Variants in RIOK2 observed in about 807,000 individuals in gnomAD.
RIOK2 encodes the protein serine/threonine-protein kinase RIO2.
RIOK2 carries 46 observed loss-of-function variants against 62.4 expected under a neutral mutation model. The ratio of observed to expected loss-of-function variants is 0.74; its 90% CI spans 0.58 to 0.94. RIOK2 has a LOEUF of 0.94. RIOK2 is among the 40% of genes least tolerant of loss of function. The pLI, the probability that RIOK2 is intolerant of heterozygous loss-of-function variation, is 0.00. For missense variants in RIOK2, 574 were observed against 658.0 expected, an observed-to-expected ratio of 0.87 and a Z score of 1.40; for synonymous variants, 197 against 216.0, an observed-to-expected ratio of 0.91 and a Z score of 0.77.
At chr5:97,182,893 A>C (rs111308596) in intron 1 of RIOK2, 67 of 538,976 alleles carry the variant, frequency 1.2e-4, no homozygotes, top group African/African-American at 9.2e-4. Flanking sequence ...ATAGCAGCAG[A>C]AAAGAAAACA....
In RIOK2 at chr5:97,182,780, G is replaced by GC. The variant is rs1409325916; in HGVS notation, c.66+345_66+346insG. The GC allele has an allele frequency of 7.0e-4, 24 of 34,318 alleles. No homozygotes were observed. In the East Asian group the frequency reaches 0.014, roughly 19 times the overall value. The allele number at this position is 34,318 out of a possible 1,614,324, so 2.1% of individuals were successfully genotyped here. ...GGGAAGTCAATATTATCAAATCTCGGGGGGGGGGGGGGGCTTAAACCTTTC... is the reference window on the plus strand; with the variant it reads ...GGGAAGTCAATATTATCAAATCTCGGCGGGGGGGGGGGGGCTTAAACCTTTC... On this transcript the variant is annotated intron_variant, in intron 1 of 9. Coordinates refer to ENST00000283109, the MANE Select transcript of RIOK2 (RefSeq NM_018343.3).
In RIOK2 at chr5:97,165,079, C is replaced by T. The variant is rs138706005; in HGVS notation, c.1466G>A (p.Ser489Asn). ...AGGAATTGTTGAACAGCTTACAGCA[C>T]TGCCTGAAGAAGTGATACTCAGAGT... Reference protein sequence around the residue: ...TRTLSITSSGSAVSCSTIPPE... With the variant: ...TRTLSITSSGNAVSCSTIPPE... Residue 489 changes from serine (S) to asparagine (N), a missense_variant, in exon 9 of 10, where the codon AGT becomes AAT. By Grantham distance (46) the Ser-to-Asn change is conservative. Coordinates refer to ENST00000283109, the MANE Select transcript of RIOK2 (RefSeq NM_018343.3). 6.9e-6 allele frequency: 11 copies of T among 1,592,434 alleles called. No individual in the cohort carries two copies. The highest frequency in any genetic ancestry group is 3.5e-5 in the Admixed American group (2 of 56,850).
At chr5:97,167,078 G>A (rs774106938) in intron 8 of RIOK2, 5 of 498,444 alleles carry the variant, frequency 1.0e-5, no homozygotes, top group East Asian at 1.3e-4. Context: ...CACCATGCCC[G>A]GTTAATTTTT....
Position 97,177,161 on chromosome 5 carries a change from T to A in RIOK2, c.453A>T (p.Leu151=), listed in dbSNP as rs2548319. Reference sequence around the variant, plus strand: ...TCATGGCAGAGAGACGAGATAAATATAGCCATGACACATTGTGCCTATGTT... The same window carrying A: ...TCATGGCAGAGAGACGAGATAAATAAAGCCATGACACATTGTGCCTATGTT... ...YHKHRHNVSW[L]YLSRLSAMKE... Residue 151 remains leucine, a synonymous_variant, in exon 4 of 10, where the codon CTA becomes CTT. Transcript: ENST00000283109. The A allele has an allele frequency of 0.69, 1,105,458 of 1,608,292 alleles. 381,496 individuals are homozygous for A. Among genetic ancestry groups the A allele is most frequent in the African/African-American group, 0.78 (58,427 of 74,676 alleles).
At chr5:97,178,837 T>C in intron 2 of RIOK2, 2 of 588,330 alleles carry the variant, frequency 3.4e-6, no homozygotes, top group South Asian at 3.8e-5. Context: ...TCTTCTGCAG[T>C]ACCTACATGT....
At chr5:97,168,881 A>G in intron 6 of RIOK2, 29 bp from the exon 7 acceptor site, 1 of 1,363,204 alleles carries the variant, frequency 7.3e-7, no homozygotes, top group Non-Finnish European at 1.0e-6. Context: ...TTTATGATAT[A>G]GTCTTTATTG....
At chr5:97,177,330 T>G in intron 3 of RIOK2, 39 bp from the exon 4 acceptor site, 2 of 1,514,968 alleles carry the variant, frequency 1.3e-6, no homozygotes, top group Non-Finnish European at 1.8e-6. Context: ...TATTACACGT[T>G]TATTCCAATC....
rs577746646 is a variant in RIOK2 at position 97,163,047 on chromosome 5, A to G, written c.*14T>C. The G allele has an allele frequency of 5.2e-4, 831 of 1,592,442 alleles. 16 individuals are homozygous for G. In the South Asian group the frequency reaches 7.5e-3, roughly 14 times the overall value. The stretch of plus-strand genomic sequence containing the variant: ...TTAAAAAATATATTAAACATATCCA[A>G]GATCCTAAATATATTATTCTCCCCA... On this transcript the variant is annotated 3_prime_UTR_variant, in exon 10 of 10. Transcript: ENST00000283109.
chr5:97,166,739 G>A, intron 8 of RIOK2: 1 of 981,246 alleles, frequency 1.0e-6, no homozygotes, highest in South Asian at 4.7e-5. Flanking sequence ...AAAATTCACT[G>A]CAGATGTTTC....
At chr5:97,171,926 T>C (rs1427136929) in intron 5 of RIOK2, among the ~76,000 whole-genome samples, 1 of 152,148 alleles carries the variant, frequency 6.6e-6, no homozygotes, top group African/African-American at 2.4e-5. Context: ...GACTTCAATG[T>C]TGCTAAATCC....
Position 97,162,810 on chromosome 5 carries a change from T to C in RIOK2, c.*251A>G, listed in dbSNP as rs557400205. The C allele has an allele frequency of 1.0e-5, 4 of 388,370 alleles. No individual in the cohort carries two copies. Among genetic ancestry groups the C allele is most frequent in the Admixed American group, 4.3e-5 (1 of 23,120 alleles). 24.1% of individuals were successfully genotyped at this position (388,370 alleles called of 1,614,324 possible). A position where few individuals can be genotyped will look rare whatever the true frequency, so the allele number is the denominator to read the frequency against. On this transcript the variant is annotated 3_prime_UTR_variant, in exon 10 of 10. Transcript: ENST00000283109. ...AAACAACAAAAATGTTATTTAGATTTTTAAAAATATGCAAATGTCTCTAAT... is the reference window on the plus strand; with the variant it reads ...AAACAACAAAAATGTTATTTAGATTCTTAAAAATATGCAAATGTCTCTAAT...
At chr5:97,170,979 C>A (rs1748987185) in intron 6 of RIOK2, among the ~76,000 whole-genome samples, 1 of 94,252 alleles carries the variant, frequency 1.1e-5, no homozygotes, top group Non-Finnish European at 2.1e-5. Context: ...CATGGAGAAA[C>A]CCCATCTCTA....
Position 97,183,226 on chromosome 5 carries a change from C to T in RIOK2, c.-35G>A, listed in dbSNP as rs771988533. The T allele has an allele frequency of 1.2e-5, 19 of 1,611,640 alleles. No homozygotes were observed. Among genetic ancestry groups the T allele is most frequent in the Non-Finnish European group, 1.5e-5 (18 of 1,177,900 alleles). ...AGTCCGAACCCAGATGCCTCTCCGACGACAGCCGCAAAGCGTAAGGCAGGT... is the reference window on the plus strand; with the variant it reads ...AGTCCGAACCCAGATGCCTCTCCGATGACAGCCGCAAAGCGTAAGGCAGGT... On this transcript the variant is annotated 5_prime_UTR_variant, in exon 1 of 10. Coordinates refer to ENST00000283109, the MANE Select transcript of RIOK2 (RefSeq NM_018343.3).
intron 6 of RIOK2, among the ~76,000 whole-genome samples, chr5:97,169,206 T>C (rs1465240354): frequency 6.6e-6 from 1 of 152,202 alleles, no homozygotes; most frequent in Non-Finnish European, 1.5e-5. Flanking sequence ...CCACTTATTC[T>C]GTTCGTCCTG....
In RIOK2 at chr5:97,171,416, T is replaced by C; in HGVS notation, c.588-19A>G. ...CTGACATCTGAAAGTATTTTAAGCA[T>C]GAAAATAGGTTACTTGTGTTCATTT... On this transcript the variant is annotated intron_variant, in intron 5 of 9. Transcript: ENST00000283109. 1 of 1,477,694 alleles carries C rather than the reference T, an allele frequency of 6.8e-7. No individual in the cohort carries two copies. The allele number at this position is 1,477,694 out of a possible 1,614,324, so 91.5% of individuals were successfully genotyped here.
At position 97,173,066 on chromosome 5, in the gene RIOK2, T is replaced by C. The variant is rs1444172297; in HGVS notation, c.587+109A>G. On this transcript the variant is annotated intron_variant, in intron 5 of 9. Transcript: ENST00000283109. ...TTGAGTCTATTCCTTTAAATAAATT[T>C]TAACCTCCCAGAGGCAATATTTCAT... is the stretch of plus-strand genomic sequence containing the variant. 4.4e-6 allele frequency: 3 copies of C among 683,770 alleles called. No individual in the cohort carries two copies. In the African/African-American group the frequency reaches 5.5e-5, roughly 12 times the overall value. 42.4% of individuals were successfully genotyped at this position (683,770 alleles called of 1,614,324 possible).
Position 97,171,728 on chromosome 5 carries a change from G to A in RIOK2, c.588-331C>T, listed in dbSNP as rs561329091. Among the ~76,000 whole-genome samples, 4 of 152,204 alleles carry A rather than the reference G, an allele frequency of 2.6e-5. No homozygotes were observed. In the East Asian group the frequency reaches 7.7e-4, roughly 29 times the overall value. The stretch of plus-strand genomic sequence containing the variant: ...CGTTAACACTAGCCACTTCAAACCA[G>A]TGAGTGACCTAAATAATAGTATCAC... On this transcript the variant is annotated intron_variant, in intron 5 of 9. Transcript: ENST00000283109.
At chr5:97,175,626 G>A (rs1749144423) in intron 4 of RIOK2, among the ~76,000 whole-genome samples, 1 of 152,160 alleles carries the variant, frequency 6.6e-6, no homozygotes, top group South Asian at 2.1e-4. Context: ...GACATGTATG[G>A]TATCAGTATT....
chr5:97,175,398 A>G lies in RIOK2; in HGVS notation c.498+1718T>C, dbSNP rs376029218. 2.0e-5 allele frequency among the ~76,000 whole-genome samples: 3 copies of G among 152,374 alleles called. No individual in the cohort carries two copies. In the South Asian group the frequency reaches 6.2e-4, roughly 32 times the overall value. ...TGTGCTATCGCCTAGACCTCATGCT[A>G]TAGCCCAATCTTTATCTTCTTGTTC... On this transcript the variant is annotated intron_variant, in intron 4 of 9. Transcript: ENST00000283109.
Sources: allele counts gnomAD v4.1 joint callset (sites outside exome capture counted in the v4.1 genomes callset), GRCh38; gene constraint gnomAD v4.1.1; transcripts MANE v1.5; gene names NCBI Gene and HGNC (gene_info 2026-07-23, HGNC 2026-07-21).